Variants in RFFL observed in about 807,000 individuals in gnomAD.
RFFL encodes ring finger and FYVE like domain containing E3 ubiquitin protein ligase, also known as E3 ubiquitin-protein ligase rififylin.
In RFFL, 16 loss-of-function variants were observed where a neutral mutation model predicts 40.4. The observed-to-expected ratio is 0.40, with a 90% CI of 0.27 to 0.60. RFFL has a LOEUF of 0.60. Ranked by LOEUF, RFFL falls within the 20% of genes least tolerant of loss-of-function variation. RFFL has a pLI of 0.47. For synonymous variants in RFFL, 154 were observed against 167.9 expected, an observed-to-expected ratio of 0.92 and a Z score of 0.64; for missense variants, 367 against 451.7, an observed-to-expected ratio of 0.81 and a Z score of 1.70.
chr17:35,089,074 GC>G (rs1884586924), intron 1 of RFFL: 2 of 153,516 alleles, frequency 1.3e-5, no homozygotes, highest in Non-Finnish European at 2.9e-5. Context: ...GCGCCCAGCG[GC>G]CCCCAGCGCC....
Position 35,040,916 on chromosome 17 carries a change from C to G in RFFL, c.-8-14355G>C, listed in dbSNP as rs2091161409. Among the ~76,000 whole-genome samples, 4 of 137,856 alleles carry G rather than the reference C, an allele frequency of 2.9e-5. No homozygotes were observed. The South Asian group carries it at 9.7e-4, about 33-fold the overall frequency. The allele number at this position is 137,856 out of a possible 152,430, so 90.4% of individuals were successfully genotyped here. ...TGTGAGGGAGAGAGAGATAGGGTCT[C>G]TCTCCAAGCTGGAGTGCAGTGGCTT... On this transcript the variant is annotated intron_variant, in intron 1 of 6. Transcript: ENST00000394597.
intron 1 of RFFL, among the ~76,000 whole-genome samples, chr17:35,057,065 G>C (rs2091265748): frequency 6.6e-6 from 1 of 150,888 alleles, no homozygotes; most frequent in Non-Finnish European, 1.5e-5. Flanking sequence ...ACAGGCATAA[G>C]CCACCATGCC....
chr17:35,086,653 T>C (rs1324898716), intron 1 of RFFL, among the ~76,000 whole-genome samples: 4 of 152,174 alleles, frequency 2.6e-5, no homozygotes, highest in Non-Finnish European at 5.9e-5. Context: ...ACTTCACCAA[T>C]AGTAATTTAA....
chr17:35,032,572 G>T (rs1357110780), intron 1 of RFFL, among the ~76,000 whole-genome samples: 2 of 152,022 alleles, frequency 1.3e-5, no homozygotes, highest in African/African-American at 2.4e-5. Context: ...GGAGAATAGG[G>T]ACGGGTTAAG....
chr17:35,034,138 G>A (rs545333827), intron 1 of RFFL, among the ~76,000 whole-genome samples: 1 of 150,148 alleles, frequency 6.7e-6, no homozygotes, highest in South Asian at 2.1e-4. Context: ...GCGAGACTCT[G>A]TCTCAAAAAA....
chr17:35,063,257 A>C (rs2091303613), intron 1 of RFFL, among the ~76,000 whole-genome samples: 2 of 151,972 alleles, frequency 1.3e-5, no homozygotes, highest in African/African-American at 4.8e-5. Context: ...GGAGTTCGAA[A>C]CCAGACTGAC....
At chr17:35,022,863 CAG>C (rs2091018099) in intron 2 of RFFL, among the ~76,000 whole-genome samples, 1 of 152,348 alleles carries the variant, frequency 6.6e-6, no homozygotes, top group Non-Finnish European at 1.5e-5. Context: ...CCTGAAAGCA[CAG>C]AGTGTCTCAG....
chr17:35,039,345 G>T (rs1392758955), intron 1 of RFFL, among the ~76,000 whole-genome samples: 1 of 152,048 alleles, frequency 6.6e-6, no homozygotes, highest in African/African-American at 2.4e-5. Flanking sequence ...TCAGCCTCCC[G>T]AGTAGCTGGG....
Position 35,011,350 on chromosome 17 carries a change from AT to A in RFFL, c.*617del. ...TGAAGTGGCTTTTAACAACTTTGAA[AT>A]TTTTCTATAGCATTTGTATTTCATT... On this transcript the variant is annotated 3_prime_UTR_variant, in exon 7 of 7. Coordinates refer to ENST00000394597, the MANE Select transcript of RFFL (RefSeq NM_001017368.2). 6.6e-6 allele frequency: 1 copy of A among 152,246 alleles called. No homozygotes were observed. Among genetic ancestry groups the A allele is most frequent in the South Asian group, 2.1e-4 (1 of 4,830 alleles). The allele number at this position is 152,246 out of a possible 1,614,324, so 9.4% of individuals were successfully genotyped here.
At chr17:35,068,591 T>C (rs938676228), upstream of RFFL, among the ~76,000 whole-genome samples, 16 of 152,384 alleles carry the variant, frequency 1.0e-4, no homozygotes, top group Non-Finnish European at 5.9e-5. Context: ...TATTCTATAA[T>C]GCAATTGTGA....
At position 35,012,149 on chromosome 17, in the gene RFFL, C is replaced by A. The variant is rs1437288826; in HGVS notation, c.911G>T (p.Gly304Val). The stretch of plus-strand genomic sequence containing the variant: ...CTCCAAGCCTGATGGTACTGCTCCC[C>A]CTGTACAAACACACAGGGCAGAAAA... The part of the protein sequence containing the change: ...HLVSGAEDQN[G>V]GAVPSGLEEN... The change falls in exon 7 of 7, where the codon GGG becomes GTG. Residue 304 changes from glycine (G) to valine (V), a missense_variant and splice_region_variant. Physicochemically the swap from Gly to Val is moderately radical, Grantham distance 109 (BLOSUM62 -3). Transcript: ENST00000394597. 1 of 1,613,418 alleles carries A rather than the reference C, an allele frequency of 6.2e-7. No homozygotes were observed. The highest frequency in any genetic ancestry group is 1.1e-5 in the South Asian group (1 of 91,016).
chr17:35,049,456 C>T (rs1302883517), intron 1 of RFFL, among the ~76,000 whole-genome samples: 1 of 152,104 alleles, frequency 6.6e-6, no homozygotes, highest in Non-Finnish European at 1.5e-5. Flanking sequence ...TATAACCAAT[C>T]CAGTCCTCTA....
intron 1 of RFFL, among the ~76,000 whole-genome samples, chr17:35,059,904 C>A (rs1357529184): frequency 6.6e-6 from 1 of 152,114 alleles, no homozygotes; most frequent in African/African-American, 2.4e-5. Context: ...GTATGAGAGA[C>A]CCAAAATTGA....
At chr17:35,027,804 G>A (rs1390339621) in intron 1 of RFFL, among the ~76,000 whole-genome samples, 5 of 152,002 alleles carry the variant, frequency 3.3e-5, no homozygotes, top group East Asian at 1.9e-4. Context: ...AGGCCAAGGC[G>A]GGTGGATCAC....
intron 1 of RFFL, among the ~76,000 whole-genome samples, chr17:35,029,260 T>C (rs1294098470): frequency 1.2e-4 from 18 of 151,632 alleles, no homozygotes; most frequent in Non-Finnish European, 2.4e-4. Context: ...AGAGTGTGTG[T>C]ATGATAAAGT....
Position 35,021,602 on chromosome 17 carries a change from G to A in RFFL, c.360C>T (p.Thr120=), listed in dbSNP as rs760363940. ...RDYLSLHDIS[T]EMCREKEELV... ...GCTCTTCTTTCTCCCGGCACATTTCGGTAGAGATGTCATGGAGGCTGAGAT... is the reference window on the plus strand; with the variant it reads ...GCTCTTCTTTCTCCCGGCACATTTCAGTAGAGATGTCATGGAGGCTGAGAT... The change falls in exon 3 of 7, where the codon ACC becomes ACT. Residue 120 remains threonine (T), a synonymous_variant. Transcript: ENST00000394597. 12 of 1,614,172 alleles carry A rather than the reference G, an allele frequency of 7.4e-6. No individual in the cohort carries two copies. Among genetic ancestry groups the A allele is most frequent in the South Asian group, 2.2e-5 (2 of 91,082 alleles).
chr17:35,020,784 G>C (rs1281549230), intron 3 of RFFL, among the ~76,000 whole-genome samples: 1 of 152,236 alleles, frequency 6.6e-6, no homozygotes, highest in Non-Finnish European at 1.5e-5. Context: ...TCATGATTCA[G>C]TTGATGTGCT....
rs1480128959 is a variant in RFFL at position 35,007,743 on chromosome 17, T to G, written c.*4225A>C. ...TCACGAGGCTGGGCCAACCTTTTTTTTTTTTTTAAACAGACTCTTGCTCTG... is the reference window on the plus strand; with the variant it reads ...TCACGAGGCTGGGCCAACCTTTTTTGTTTTTTTAAACAGACTCTTGCTCTG... On this transcript the variant is annotated 3_prime_UTR_variant, in exon 7 of 7. Coordinates refer to ENST00000394597, the MANE Select transcript of RFFL (RefSeq NM_001017368.2). 2.6e-5 allele frequency: 4 copies of G among 151,750 alleles called. No individual in the cohort carries two copies. The highest frequency in any genetic ancestry group is 5.9e-5 in the Non-Finnish European group (4 of 67,958). 9.4% of individuals were successfully genotyped at this position (151,750 alleles called of 1,614,324 possible).
upstream of RFFL, among the ~76,000 whole-genome samples, chr17:35,066,606 A>G (rs987015467): frequency 2.0e-5 from 3 of 152,112 alleles, no homozygotes; most frequent in African/African-American, 7.2e-5. Flanking sequence ...TAAAGTTTGT[A>G]TCACTTACAA....
Sources: gnomAD v4.1 joint callset for allele counts (sites outside exome capture counted in the v4.1 genomes callset) on GRCh38, gnomAD v4.1.1 for gene constraint, MANE v1.5 for transcripts, NCBI Gene and HGNC (gene_info 2026-07-23, HGNC 2026-07-21) for gene names.